Variants in SLIT1 observed in about 807,000 individuals in gnomAD.
SLIT1 encodes slit homolog 1 protein.
In SLIT1, 66 loss-of-function variants were observed where a neutral mutation model predicts 186.1. The observed-to-expected ratio is 0.35, with a 90% CI of 0.29 to 0.44. The LOEUF is 0.44. Ranked by LOEUF, SLIT1 falls within the 20% of genes least tolerant of loss-of-function variation. The pLI is 1.00. For synonymous variants in SLIT1, 761 were observed against 833.8 expected, an observed-to-expected ratio of 0.91 and a Z score of 1.50; for missense variants, 1,638 against 2,037.4, an observed-to-expected ratio of 0.80 and a Z score of 3.77.
In SLIT1 at chr10:97,164,840, C is replaced by A. The variant is rs763671025; in HGVS notation, c.248G>T (p.Gly83Val). 3.1e-6 allele frequency: 5 copies of A among 1,613,436 alleles called. No individual in the cohort carries two copies. The highest frequency in any genetic ancestry group is 4.2e-6 in the Non-Finnish European group (5 of 1,179,600). Residue 83 changes from glycine (G) to valine (V), a missense_variant, in exon 2 of 37, where the codon GGG becomes GTG. Gly to Val is a moderately radical substitution (Grantham distance 109). Coordinates refer to ENST00000266058, the MANE Select transcript of SLIT1 (RefSeq NM_003061.3). ...TCACAGCACCCGCAGCTGCTTGAGCCCCGCAAAGTCATTCTTATGGATCCG... is the reference window on the plus strand; with the variant it reads ...TCACAGCACCCGCAGCTGCTTGAGCACCGCAAAGTCATTCTTATGGATCCG... ...ITRIHKNDFA[G>V]LKQLRVLQLM... is the part of the protein sequence containing the mutation.
intron 31 of SLIT1, among the ~76,000 whole-genome samples, chr10:97,007,475 C>T (rs146252342): frequency 1.3e-5 from 2 of 152,248 alleles, no homozygotes; most frequent in African/African-American, 4.8e-5. Flanking sequence ...AAACCAAAGA[C>T]ATCACAACAA....
chr10:97,097,633 G>A (rs1015247962), intron 4 of SLIT1, among the ~76,000 whole-genome samples: 12 of 152,176 alleles, frequency 7.9e-5, no homozygotes, highest in African/African-American at 2.9e-4. Context: ...TAAAACTTTT[G>A]GTAGTGGGTG....
intron 13 of SLIT1, among the ~76,000 whole-genome samples, chr10:97,053,345 G>C (rs1324414692): frequency 6.6e-6 from 1 of 152,104 alleles, no homozygotes; most frequent in African/African-American, 2.4e-5. Flanking sequence ...CACATACTTG[G>C]CAAGGTTTCC....
At chr10:97,153,338 G>A (rs1849902778) in intron 4 of SLIT1, 1 of 152,238 alleles carries the variant, frequency 6.6e-6, no homozygotes, top group Non-Finnish European at 1.5e-5. Context: ...ACTGAAATGT[G>A]GGCTGCGCCA....
At chr10:97,086,126 C>T (rs775751946) in intron 4 of SLIT1, among the ~76,000 whole-genome samples, 1 of 152,254 alleles carries the variant, frequency 6.6e-6, no homozygotes, top group South Asian at 2.1e-4. Flanking sequence ...GGAGTTACAA[C>T]TTATGTTCAC....
chr10:97,185,366 G>T, intron 1 of SLIT1, 112 bp downstream of exon 1: 3 of 1,062,882 alleles, frequency 2.8e-6, no homozygotes, highest in South Asian at 1.6e-5. Context: ...TCTGTGGGCT[G>T]CGGAGCCCGG....
At chr10:97,054,421 T>C (rs1848819800) in intron 13 of SLIT1, among the ~76,000 whole-genome samples, 1 of 152,082 alleles carries the variant, frequency 6.6e-6, no homozygotes, top group African/African-American at 2.4e-5. Context: ...ACCTCTTTTC[T>C]TTATAGATTA....
At chr10:97,116,610 G>A (rs964080665) in intron 4 of SLIT1, among the ~76,000 whole-genome samples, 11 of 152,210 alleles carry the variant, frequency 7.2e-5, no homozygotes, top group Non-Finnish European at 4.4e-5. Context: ...TGGGGCTGGG[G>A]GCTGGGCATC....
At chr10:97,070,297 G>A (rs1848990874) in intron 4 of SLIT1, among the ~76,000 whole-genome samples, 1 of 152,200 alleles carries the variant, frequency 6.6e-6, no homozygotes, top group African/African-American at 2.4e-5. Context: ...GCGTTGCTTT[G>A]AGGCATGACC....
intron 4 of SLIT1, among the ~76,000 whole-genome samples, chr10:97,075,109 G>T (rs1346109568): frequency 6.6e-6 from 1 of 152,186 alleles, no homozygotes; most frequent in Non-Finnish European, 1.5e-5. Flanking sequence ...TGGAAGCTCT[G>T]GGCAGCCTGG....
intron 3 of SLIT1, among the ~76,000 whole-genome samples, chr10:97,161,933 A>G (rs1850033086): frequency 6.6e-6 from 1 of 152,216 alleles, no homozygotes. Context: ...TACTACTTAG[A>G]GCAGTGTTGT....
At chr10:97,002,065 A>C (rs1848314370) in intron 36 of SLIT1, 93 bp downstream of exon 36, 1 of 822,098 alleles carries the variant, frequency 1.2e-6, no homozygotes, top group Non-Finnish European at 1.8e-6. Context: ...GGGAAGGGAC[A>C]GAAGGGCTGC....
chr10:97,047,137 AT>A, intron 16 of SLIT1, 72 bp from the exon 17 acceptor site: 4 of 1,015,206 alleles, frequency 3.9e-6, no homozygotes, highest in Non-Finnish European at 6.1e-6. Context: ...AACTGAGAAT[AT>A]TTGGGACTCA....
chr10:97,078,770 T>G (rs1849072662), intron 4 of SLIT1, among the ~76,000 whole-genome samples: 1 of 152,242 alleles, frequency 6.6e-6, no homozygotes, highest in Non-Finnish European at 1.5e-5. Context: ...CAGGCCCCTC[T>G]GCATGTGAAC....
chr10:97,031,703 G>C, intron 23 of SLIT1, 26 bp from the exon 24 acceptor site: 1 of 1,541,974 alleles, frequency 6.5e-7, no homozygotes, highest in Non-Finnish European at 8.8e-7. Context: ...ATGGAGGAAG[G>C]GCACTGTGTT....
rs36000443 is a variant in SLIT1 at position 97,184,018 on chromosome 10, C to CCACACACACACACACACA, written c.197+1442_197+1459dup. 7.0e-6 allele frequency among the ~76,000 whole-genome samples: 1 copy of CCACACACACACACACACA among 142,476 alleles called. No individual in the cohort carries two copies. The highest frequency in any genetic ancestry group is 2.6e-5 in the African/African-American group (1 of 37,970). 93.5% of individuals were successfully genotyped at this position (142,476 alleles called of 152,430 possible). Reference sequence around the variant, plus strand: ...ATTCACACACACACATACACATGCACCACACACACACACACACACACACAC... The same window carrying CCACACACACACACACACA: ...ATTCACACACACACATACACATGCACCACACACACACACACACACACACACACACACACACACACACAC... On this transcript the variant is annotated intron_variant, in intron 1 of 36. Coordinates refer to ENST00000266058, the MANE Select transcript of SLIT1 (RefSeq NM_003061.3). This position sits in a 1 kb window ranked among gnomAD's most constrained non-coding sequence, Gnocchi z 4.4.
chr10:97,057,133 A>T, intron 12 of SLIT1, 77 bp downstream of exon 12: 1 of 1,182,690 alleles, frequency 8.5e-7, no homozygotes, highest in Non-Finnish European at 1.2e-6. Flanking sequence ...GAGAGGCCTA[A>T]AGGGACAGTC....
chr10:97,058,547 G>T (rs982925781), intron 11 of SLIT1, among the ~76,000 whole-genome samples: 3 of 152,190 alleles, frequency 2.0e-5, no homozygotes, highest in Non-Finnish European at 4.4e-5. Context: ...TGTGTAGGGT[G>T]TACACTGCAC....
At chr10:97,063,412 G>T in intron 8 of SLIT1, 43 bp downstream of exon 8, 1 of 1,606,234 alleles carries the variant, frequency 6.2e-7, no homozygotes, top group Non-Finnish European at 8.5e-7. Flanking sequence ...GGCAGGGCAG[G>T]AGGCGCCGGA....
Sources: gnomAD v4.1 joint callset for allele counts (sites outside exome capture counted in the v4.1 genomes callset) on GRCh38, gnomAD v4.1.1 for gene constraint, Gnocchi (gnomAD v3.1) non-coding constraint, MANE v1.5 for transcripts, NCBI Gene and HGNC (gene_info 2026-07-23, HGNC 2026-07-21) for gene names.